Variants in ASTN1 observed in about 807,000 individuals in gnomAD.
ASTN1 encodes the protein astrotactin 1.
In ASTN1, 41 loss-of-function variants were observed where a neutral mutation model predicts 140.7. The observed-to-expected ratio is 0.29, with a 90% CI of 0.23 to 0.38. ASTN1 has a LOEUF of 0.38. ASTN1 is among the 10% of genes least tolerant of loss of function. ASTN1 has a pLI of 1.00. For missense variants in ASTN1, 1,479 were observed against 1,678.8 expected (o/e 0.88, Z 2.08); for synonymous variants, 640 against 652.2 (o/e 0.98, Z 0.29).
chr1:176,992,170 G>T (rs80326432), intron 8 of ASTN1, among the ~76,000 whole-genome samples: 1,523 of 152,236 alleles, frequency 0.01, 17 homozygotes, highest in African/African-American at 0.034. Flanking sequence ...CCTCAATGCA[G>T]AGTTGGGAAC....
intron 1 of ASTN1, among the ~76,000 whole-genome samples, chr1:177,159,055 A>G (rs1683367806): frequency 7.1e-6 from 1 of 140,382 alleles, no homozygotes; most frequent in Non-Finnish European, 1.5e-5. Context: ...CAACAAAGCG[A>G]GGATCCATCT....
chr1:177,082,322 C>T (rs554564764), intron 1 of ASTN1, among the ~76,000 whole-genome samples: 1 of 152,222 alleles, frequency 6.6e-6, no homozygotes, highest in East Asian at 1.9e-4. Flanking sequence ...TGAGTTTCCT[C>T]CTCTATTAAA....
chr1:177,051,902 C>G (rs1677559667), intron 2 of ASTN1, among the ~76,000 whole-genome samples: 1 of 151,966 alleles, frequency 6.6e-6, no homozygotes, highest in Non-Finnish European at 1.5e-5. Context: ...AATGACATCA[C>G]GTGGTTTGAT....
chr1:176,860,205 T>C (rs887192381), downstream of ASTN1, among the ~76,000 whole-genome samples: 3 of 152,192 alleles, frequency 2.0e-5, no homozygotes, highest in African/African-American at 7.2e-5. Flanking sequence ...TTACCATCTG[T>C]TGGCCAAAAT....
At chr1:176,957,626 C>T in intron 11 of ASTN1, 52 bp downstream of exon 11, 3 of 1,600,392 alleles carry the variant, frequency 1.9e-6, no homozygotes, top group Non-Finnish European at 2.6e-6. Flanking sequence ...TTCCCCCGTG[C>T]CTTTCCTCCC....
intron 2 of ASTN1, among the ~76,000 whole-genome samples, chr1:177,060,060 TATTA>T (rs930922939): frequency 6.6e-6 from 1 of 152,168 alleles, no homozygotes; most frequent in Non-Finnish European, 1.5e-5. Flanking sequence ...ATTCCACAAA[TATTA>T]ATTAAGTATC....
chr1:177,015,683 T>C lies in ASTN1; in HGVS notation c.1439-808A>G, dbSNP rs113599115. Among the ~76,000 whole-genome samples the C allele has an allele frequency of 8.7e-3, 1,326 of 152,286 alleles. 22 individuals are homozygous for C. Among genetic ancestry groups the C allele is most frequent in the African/African-American group, 0.03 (1,263 of 41,554 alleles). ...TTCTGGAATTTCATGCAAAACTGTA[T>C]ATGTGTGTATATGCATTTTTTTTGA... On this transcript the variant is annotated intron_variant, in intron 7 of 22. Transcript: ENST00000361833.
chr1:176,869,263 T>C lies in ASTN1; in HGVS notation c.3464-236A>G, dbSNP rs751598179. Among the ~76,000 whole-genome samples the C allele has an allele frequency of 2.0e-5, 3 of 152,242 alleles. No homozygotes were observed. The South Asian group carries it at 6.2e-4, about 32-fold the overall frequency. On this transcript the variant is annotated intron_variant, in intron 21 of 22. Transcript: ENST00000361833. The stretch of plus-strand genomic sequence containing the variant: ...GCATGTTTACTTATGTGTGTGTGAG[T>C]ATGCTGTTACAGAAAGAGCATTGAA...
intron 1 of ASTN1, among the ~76,000 whole-genome samples, chr1:177,090,533 T>C (rs968092744): frequency 2.6e-5 from 4 of 152,138 alleles, no homozygotes; most frequent in Non-Finnish European, 5.9e-5. Flanking sequence ...ATTAGCATCA[T>C]AATGAAAGCT....
chr1:176,974,628 G>A (rs1387199447), intron 8 of ASTN1, among the ~76,000 whole-genome samples: 1 of 152,034 alleles, frequency 6.6e-6, no homozygotes, highest in Non-Finnish European at 1.5e-5. Flanking sequence ...CTTGTGATCC[G>A]CCTGCCTTGG....
At chr1:176,893,232 C>A (rs943568426) in intron 17 of ASTN1, among the ~76,000 whole-genome samples, 3 of 152,066 alleles carry the variant, frequency 2.0e-5, no homozygotes, top group Non-Finnish European at 4.4e-5. Flanking sequence ...GCAAGTGGCC[C>A]GGGAGCTCTT....
chr1:177,081,436 G>A (rs1679175128), intron 1 of ASTN1, among the ~76,000 whole-genome samples: 1 of 152,140 alleles, frequency 6.6e-6, no homozygotes, highest in Non-Finnish European at 1.5e-5. Flanking sequence ...ACACAGGATG[G>A]AGTCAGGGTA....
Position 176,894,528 on chromosome 1 carries a change from C to T in ASTN1, c.2940+34G>A, listed in dbSNP as rs375121658. ...TTGGAAAGCCTTCTGTTGTGGTTGA[C>T]GCCTCCCAGAGCCAAGAGTCCCAGG... On this transcript the variant is annotated intron_variant, in intron 17 of 22. Transcript: ENST00000361833. The T allele has an allele frequency of 1.4e-4, 231 of 1,603,766 alleles. 1 individual carries two copies. The highest frequency in any genetic ancestry group is 5.5e-4 in the Middle Eastern group (3 of 5,428).
intron 20 of ASTN1, 60 bp downstream of exon 20, chr1:176,882,799 C>G (rs16850299): frequency 1.2e-4 from 184 of 1,599,460 alleles, no homozygotes; most frequent in East Asian, 4.9e-4. Context: ...AAGAAGAAAC[C>G]GGTAAGAAGC....
In ASTN1 at chr1:176,949,232, C is replaced by A. The variant is rs1360962754; in HGVS notation, c.2007G>T (p.Ala669=). The change falls in exon 12 of 23, where the codon GCG becomes GCT. Residue 669 remains alanine (A), a synonymous_variant. Coordinates refer to ENST00000361833, the MANE Select transcript of ASTN1 (RefSeq NM_004319.3). ...GCEQLCLQQM[A]PFPDDPTLYN... Reference sequence around the variant, plus strand: ...ACAAGGTGGGGTCGTCCGGGAAGGGCGCCATCTGCTGGAGGCACAGCTGCT... The same window carrying A: ...ACAAGGTGGGGTCGTCCGGGAAGGGAGCCATCTGCTGGAGGCACAGCTGCT... The A allele has an allele frequency of 1.2e-6, 2 of 1,614,068 alleles. No individual in the cohort carries two copies. The highest frequency in any genetic ancestry group is 8.5e-7 in the Non-Finnish European group (1 of 1,180,022).
intron 21 of ASTN1, among the ~76,000 whole-genome samples, chr1:176,870,952 A>C (rs1012885792): frequency 9.9e-5 from 15 of 152,222 alleles, no homozygotes; most frequent in African/African-American, 3.6e-4. Context: ...GATTTGGGAA[A>C]AGGCCAAGTT....
intron 7 of ASTN1, among the ~76,000 whole-genome samples, chr1:177,019,010 G>A (rs1432773479): frequency 6.6e-6 from 1 of 152,212 alleles, no homozygotes; most frequent in Non-Finnish European, 1.5e-5. Flanking sequence ...GCATCAGGGG[G>A]CTGGGGCTCT....
At position 176,888,062 on chromosome 1, in the gene ASTN1, G is replaced by T. The variant is rs777741305; in HGVS notation, c.3074+9C>A. The T allele has an allele frequency of 3.1e-6, 5 of 1,613,858 alleles. No individual in the cohort carries two copies. In the East Asian group the frequency reaches 8.9e-5, roughly 29 times the overall value. On this transcript the variant is annotated intron_variant, in intron 18 of 22. Coordinates refer to ENST00000361833, the MANE Select transcript of ASTN1 (RefSeq NM_004319.3). ...AGAGTAATGCTGAAAGAGAGAAAGAGAACCATACACAGGCTGTGGGAGAGG... is the reference window on the plus strand; with the variant it reads ...AGAGTAATGCTGAAAGAGAGAAAGATAACCATACACAGGCTGTGGGAGAGG...
In ASTN1 at chr1:176,861,852, G is replaced by A. The variant is rs1667977665; in HGVS notation, c.*2432C>T. 1 of 985,172 alleles carries A rather than the reference G, an allele frequency of 1.0e-6. No homozygotes were observed. The highest frequency in any genetic ancestry group is 1.1e-4 in the East Asian group (1 of 8,814). 61.0% of individuals were successfully genotyped at this position (985,172 alleles called of 1,614,324 possible). A position where few individuals can be genotyped will look rare whatever the true frequency, so the allele number is the denominator to read the frequency against. On this transcript the variant is annotated 3_prime_UTR_variant, in exon 23 of 23. Coordinates refer to ENST00000361833, the MANE Select transcript of ASTN1 (RefSeq NM_004319.3). ...GAGGAACTTGGGAGACTGAGGGAAA[G>A]ATAGGAGAGAGGAAGATAGTGTGCC...
Sources: gnomAD v4.1 joint callset for allele counts (sites outside exome capture counted in the v4.1 genomes callset) on GRCh38, gnomAD v4.1.1 for gene constraint, MANE v1.5 for transcripts, NCBI Gene and HGNC (gene_info 2026-07-23, HGNC 2026-07-21) for gene names.